Variants in NTM observed in about 807,000 individuals in gnomAD.
The protein encoded by NTM is IgLON family member 2.
Under a neutral mutation model 42.1 loss-of-function variants are expected in NTM, and 13 were observed. The observed-to-expected ratio is 0.31, with a 90% CI of 0.20 to 0.49. NTM has a LOEUF of 0.49. Among genes scored for constraint, NTM ranks in the 20% least tolerant of loss-of-function variants. NTM has a pLI of 0.99. For missense variants in NTM, 373 were observed against 452.8 expected, an observed-to-expected ratio of 0.82 and a Z score of 1.60; for synonymous variants, 187 against 179.2, an observed-to-expected ratio of 1.04 and a Z score of -0.35.
intron 7 of NTM, among the ~76,000 whole-genome samples, chr11:132,320,929 A>G (rs1052065097): frequency 9.3e-5 from 14 of 151,300 alleles, no homozygotes; most frequent in Non-Finnish European, 1.5e-4. Context: ...GACACCTCAC[A>G]CTGCAGGGTA....
At chr11:132,052,673 A>T (rs1013116568) in intron 2 of NTM, among the ~76,000 whole-genome samples, 6 of 152,026 alleles carry the variant, frequency 3.9e-5, no homozygotes, top group Non-Finnish European at 8.8e-5. Context: ...AGGGAATGTT[A>T]TTTGATTTGG....
intron 2 of NTM, among the ~76,000 whole-genome samples, chr11:132,033,663 G>A (rs572125): frequency 0.9 from 137,506 of 152,284 alleles, 62,335 homozygotes; most frequent in East Asian, 1. Flanking sequence ...CAGATGCAGC[G>A]TGAGAAGCAT....
chr11:132,246,218 C>A (rs1010044773), intron 4 of NTM, among the ~76,000 whole-genome samples: 1 of 152,232 alleles, frequency 6.6e-6, no homozygotes, highest in African/African-American at 2.4e-5. Context: ...CCGCACCTCC[C>A]GCACAGGTGG....
At chr11:131,850,172 CTT>C (rs1444329967) in intron 1 of NTM, among the ~76,000 whole-genome samples, 1 of 151,980 alleles carries the variant, frequency 6.6e-6, no homozygotes, top group Non-Finnish European at 1.5e-5. Flanking sequence ...TAAAATGCAC[CTT>C]AACTTCCACA....
intron 1 of NTM, among the ~76,000 whole-genome samples, chr11:131,741,390 G>C (rs899335917): frequency 6.6e-6 from 1 of 152,150 alleles, no homozygotes; most frequent in African/African-American, 2.4e-5. Context: ...TGAGCACGAG[G>C]GATGCTGATC....
chr11:131,915,435 T>A lies in NTM; in HGVS notation c.167+3787T>A, dbSNP rs892130885. Among the ~76,000 whole-genome samples, 6 of 152,228 alleles carry A rather than the reference T, an allele frequency of 3.9e-5. No homozygotes were observed. The East Asian group carries it at 1.2e-3, about 29-fold the overall frequency. On this transcript the variant is annotated intron_variant, in intron 2 of 8. Transcript: ENST00000683400. ...TCATGCCTTGTCATGGCATGAGCACTGTGTGCTGGCAGATGCTTACTCAAA... is the reference window on the plus strand; with the variant it reads ...TCATGCCTTGTCATGGCATGAGCACAGTGTGCTGGCAGATGCTTACTCAAA...
At chr11:132,326,776 C>T (rs1464488754) in intron 7 of NTM, among the ~76,000 whole-genome samples, 1 of 152,204 alleles carries the variant, frequency 6.6e-6, no homozygotes, top group African/African-American at 2.4e-5. Flanking sequence ...GGCTCATTTA[C>T]TGCACTGATG....
intron 1 of NTM, among the ~76,000 whole-genome samples, chr11:131,786,484 G>A (rs2089246558): frequency 6.6e-6 from 1 of 152,162 alleles, no homozygotes; most frequent in African/African-American, 2.4e-5. Flanking sequence ...AACAGAGGTT[G>A]GAGGAAAGCA....
intron 1 of NTM, among the ~76,000 whole-genome samples, chr11:131,383,276 A>G (rs913970371): frequency 1.3e-5 from 2 of 152,186 alleles, no homozygotes; most frequent in Non-Finnish European, 2.9e-5. Context: ...TTCAGACCAT[A>G]CTAGGTATTA....
At chr11:132,030,477 A>G (rs899770441) in intron 2 of NTM, among the ~76,000 whole-genome samples, 1 of 152,180 alleles carries the variant, frequency 6.6e-6, no homozygotes, top group African/African-American at 2.4e-5. Context: ...AAGTAAATAC[A>G]TGCATAATAT....
chr11:132,236,914 C>T (rs1488024500), intron 4 of NTM, among the ~76,000 whole-genome samples: 1 of 152,152 alleles, frequency 6.6e-6, no homozygotes, highest in Non-Finnish European at 1.5e-5. Context: ...CCTGGGGACA[C>T]CACATGGCGA....
chr11:132,129,157 G>T, intron 2 of NTM, among the ~76,000 whole-genome samples: 1 of 151,998 alleles, frequency 6.6e-6, no homozygotes. Flanking sequence ...GGGGTCTATT[G>T]GTCATATATT....
At chr11:132,085,399 C>T (rs888460750) in intron 2 of NTM, among the ~76,000 whole-genome samples, 1 of 152,142 alleles carries the variant, frequency 6.6e-6, no homozygotes, top group African/African-American at 2.4e-5. Flanking sequence ...CCATATATCC[C>T]CAGGCCTTAA....
chr11:131,374,567 G>A (rs987429065), intron 1 of NTM, among the ~76,000 whole-genome samples: 2 of 152,122 alleles, frequency 1.3e-5, no homozygotes, highest in Non-Finnish European at 1.5e-5. Flanking sequence ...TAATTCAGGC[G>A]TCCTGCGTAG....
chr11:131,768,145 G>A (rs1057131545), intron 1 of NTM, among the ~76,000 whole-genome samples: 14 of 141,946 alleles, frequency 9.9e-5, no homozygotes, highest in Middle Eastern at 3.8e-3. Context: ...TTTTTGAGAC[G>A]GAGTCTTGCT....
intron 5 of NTM, among the ~76,000 whole-genome samples, chr11:132,308,514 A>G (rs1278329312): frequency 6.6e-6 from 1 of 151,996 alleles, no homozygotes; most frequent in Non-Finnish European, 1.5e-5. Context: ...TGGGTCCCTC[A>G]TTATGTACCT....
intron 2 of NTM, among the ~76,000 whole-genome samples, chr11:132,039,959 C>G (rs374002101): frequency 6.6e-6 from 1 of 152,038 alleles, no homozygotes; most frequent in African/African-American, 2.4e-5. Context: ...GAGTCTCGCT[C>G]TGTCACCCAG....
At chr11:131,797,736 T>C (rs192592909) in intron 1 of NTM, among the ~76,000 whole-genome samples, 13 of 152,332 alleles carry the variant, frequency 8.5e-5, no homozygotes, top group African/African-American at 3.1e-4. Context: ...AAAATAACAA[T>C]TACTTTAGTA....
At chr11:131,987,868 T>A (rs1447839937) in intron 2 of NTM, among the ~76,000 whole-genome samples, 3 of 152,244 alleles carry the variant, frequency 2.0e-5, no homozygotes, top group African/African-American at 7.2e-5. Context: ...ATGTGCTATA[T>A]GCCAGCCAGT....
Sources: gnomAD v4.1 joint callset for allele counts (sites outside exome capture counted in the v4.1 genomes callset) on GRCh38, gnomAD v4.1.1 for gene constraint, MANE v1.5 for transcripts, NCBI Gene and HGNC (gene_info 2026-07-23, HGNC 2026-07-21) for gene names.